Variants in RAPGEF4 observed in about 807,000 individuals in gnomAD.
RAPGEF4 encodes the protein RAP guanine-nucleotide-exchange factor (GEF) 4.
Under a neutral mutation model 147.9 loss-of-function variants are expected in RAPGEF4, and 66 were observed. The observed-to-expected ratio is 0.45, with a 90% confidence interval of 0.37 to 0.55. The LOEUF (loss-of-function observed/expected upper bound fraction) is 0.55. RAPGEF4 is among the 20% of genes least tolerant of loss of function. The pLI is 0.00. For synonymous variants in RAPGEF4, 419 were observed against 442.7 expected, an observed-to-expected ratio of 0.95 and a Z score of 0.67; for missense variants, 1,071 against 1,257.3, an observed-to-expected ratio of 0.85 and a Z score of 2.24.
intron 10 of RAPGEF4, among the ~76,000 whole-genome samples, chr2:172,972,207 G>T (rs1690564532): frequency 6.6e-6 from 1 of 152,158 alleles, no homozygotes; most frequent in Non-Finnish European, 1.5e-5. Context: ...TGCTCTAGAG[G>T]GCGCGTGAGA....
chr2:172,784,261 G>A (rs1438214499), intron 1 of RAPGEF4, among the ~76,000 whole-genome samples: 2 of 152,204 alleles, frequency 1.3e-5, no homozygotes, highest in African/African-American at 4.8e-5. Flanking sequence ...GCTCACGCCT[G>A]TAATCCCAGC....
chr2:172,743,322 G>A (rs555280770), intron 1 of RAPGEF4, among the ~76,000 whole-genome samples: 76 of 152,246 alleles, frequency 5.0e-4, no homozygotes, highest in African/African-American at 1.6e-3. Context: ...GAGCGGAGGC[G>A]GACAATCCTG....
chr2:172,858,988 G>GA (rs145133271), intron 4 of RAPGEF4, among the ~76,000 whole-genome samples: 29,380 of 152,126 alleles, frequency 0.19, 3,483 homozygotes, highest in Middle Eastern at 0.3. Flanking sequence ...AAGAAATGCA[G>GA]ATGTCATTAG....
At chr2:172,869,901 AC>A (rs1231790305) in intron 4 of RAPGEF4, among the ~76,000 whole-genome samples, 1 of 152,150 alleles carries the variant, frequency 6.6e-6, no homozygotes. Context: ...ACTATTATTG[AC>A]ATCCTTCATG....
intron 12 of RAPGEF4, among the ~76,000 whole-genome samples, chr2:172,986,651 C>T (rs1380434008): frequency 1.3e-5 from 2 of 151,114 alleles, no homozygotes; most frequent in African/African-American, 4.9e-5. Flanking sequence ...TTACAATTAC[C>T]TTCTTAATCT....
chr2:173,037,459 T>C (rs1160876870), intron 29 of RAPGEF4, among the ~76,000 whole-genome samples: 1 of 152,192 alleles, frequency 6.6e-6, no homozygotes, highest in Non-Finnish European at 1.5e-5. Flanking sequence ...CTCCTAGTCC[T>C]TACTCCTAGC....
rs1191591509 is a variant in RAPGEF4, at chr2:173,042,966, C to T, written c.2854-5634C>T. Reference sequence around the variant, plus strand: ...ATCTGTAGGGAGACCGGACTCAGGGCTCCTCCTCAATGATGCACACAGTGA... The same window carrying T: ...ATCTGTAGGGAGACCGGACTCAGGGTTCCTCCTCAATGATGCACACAGTGA... On this transcript the variant is annotated intron_variant, in intron 29 of 30. Transcript: ENST00000397081. The surrounding 1 kb of genome is among the most constrained non-coding windows in gnomAD (Gnocchi z 4.2). Among the ~76,000 whole-genome samples, 1 of 152,232 alleles carries T rather than the reference C, an allele frequency of 6.6e-6. No homozygotes were observed. The highest frequency in any genetic ancestry group is 1.5e-5 in the Non-Finnish European group (1 of 68,042).
At chr2:172,826,569 A>C (rs767605468) in intron 4 of RAPGEF4, among the ~76,000 whole-genome samples, 1 of 152,222 alleles carries the variant, frequency 6.6e-6, no homozygotes, top group Admixed American at 6.5e-5. Context: ...TAAAAATGGG[A>C]TAAGATAGTA....
chr2:172,979,742 A>C (rs960334572), intron 10 of RAPGEF4, among the ~76,000 whole-genome samples: 1 of 152,218 alleles, frequency 6.6e-6, no homozygotes, highest in East Asian at 1.9e-4. Context: ...GTGGCCTTGC[A>C]TGGTGTCTGA....
intron 4 of RAPGEF4, chr2:172,860,155 TACATC>T: frequency 2.0e-6 from 2 of 982,568 alleles, no homozygotes; most frequent in Non-Finnish European, 2.4e-6. Context: ...CCAGCTCTCA[TACATC>T]ACTAAGGGAG....
chr2:172,876,005 C>T (rs1019847437), intron 4 of RAPGEF4, among the ~76,000 whole-genome samples: 43 of 152,218 alleles, frequency 2.8e-4, no homozygotes, highest in African/African-American at 1.0e-3. Flanking sequence ...CTCTTTGAAG[C>T]AATTGTGAAT....
At chr2:172,867,344 A>G (rs967112604) in intron 4 of RAPGEF4, among the ~76,000 whole-genome samples, 7 of 152,224 alleles carry the variant, frequency 4.6e-5, no homozygotes, top group Non-Finnish European at 7.3e-5. Context: ...TATTTAGACA[A>G]GCAGTTGGCT....
chr2:172,831,712 A>T (rs2149673025), intron 4 of RAPGEF4, among the ~76,000 whole-genome samples: 1 of 152,338 alleles, frequency 6.6e-6, no homozygotes, highest in East Asian at 1.9e-4. Context: ...TACCTCCTTC[A>T]ATTTTAATAG....
chr2:172,931,173 G>C (rs1166299824), intron 6 of RAPGEF4, among the ~76,000 whole-genome samples: 8 of 6,778 alleles, frequency 1.2e-3, no homozygotes, highest in African/African-American at 1.9e-3. Flanking sequence ...AGGCCGGGGT[G>C]GGGGGGGGGG....
intron 3 of RAPGEF4, among the ~76,000 whole-genome samples, chr2:172,811,938 G>T (rs930276731): frequency 2.6e-5 from 4 of 152,200 alleles, no homozygotes; most frequent in African/African-American, 7.2e-5. Flanking sequence ...AGACTGTAAA[G>T]ATAGTGAATA....
intron 6 of RAPGEF4, among the ~76,000 whole-genome samples, chr2:172,956,749 C>T (rs1323510819): frequency 3.9e-5 from 6 of 152,192 alleles, no homozygotes; most frequent in Non-Finnish European, 5.9e-5. Context: ...GGATTACAGG[C>T]GTGAGCCACT....
At chr2:173,011,756 A>C (rs1695046699) in intron 17 of RAPGEF4, among the ~76,000 whole-genome samples, 1 of 152,088 alleles carries the variant, frequency 6.6e-6, no homozygotes, top group South Asian at 2.1e-4. Flanking sequence ...TTGCCTAAGT[A>C]CTTGTAAAGC....
chr2:173,016,239 T>A (rs1695496933), intron 18 of RAPGEF4, 110 bp from the exon 19 acceptor site: 2 of 712,038 alleles, frequency 2.8e-6, no homozygotes, highest in African/African-American at 3.5e-5. Context: ...AGCCATGGTC[T>A]GGAGATGCTG....
chr2:172,829,564 T>C (rs1254810896), intron 4 of RAPGEF4, among the ~76,000 whole-genome samples: 1 of 152,214 alleles, frequency 6.6e-6, no homozygotes, highest in Non-Finnish European at 1.5e-5. Context: ...TGAATTTTAG[T>C]GACCACCAAC....
Sources: allele counts gnomAD v4.1 joint callset (sites outside exome capture counted in the v4.1 genomes callset), GRCh38; gene constraint gnomAD v4.1.1; non-coding constraint Gnocchi (gnomAD v3.1); transcripts MANE v1.5; gene names NCBI Gene and HGNC (gene_info 2026-07-23, HGNC 2026-07-21).